Variants in EIF2AK4 observed in about 807,000 individuals in gnomAD.
EIF2AK4 encodes eIF-2-alpha kinase GCN2.
EIF2AK4 carries 139 observed loss-of-function variants against 211.1 expected under a neutral mutation model. That is an observed-to-expected ratio of 0.66 (90% CI 0.57 to 0.76). The LOEUF (loss-of-function observed/expected upper bound fraction) is 0.76. Ranked by LOEUF, EIF2AK4 falls within the 30% of genes least tolerant of loss-of-function variation. The pLI is 0.00. For synonymous variants in EIF2AK4, 710 were observed against 751.3 expected, an observed-to-expected ratio of 0.94 and a Z score of 0.90; for missense variants, 1,664 against 2,043.8, an observed-to-expected ratio of 0.81 and a Z score of 3.58.
Position 40,011,364 on chromosome 15 carries a change from G to A in EIF2AK4, c.3759+18G>A, listed in dbSNP as rs754086943. 5 of 1,590,040 alleles carry A rather than the reference G, an allele frequency of 3.1e-6. No individual in the cohort carries two copies. The South Asian group carries it at 3.4e-5, about 11-fold the overall frequency. On this transcript the variant is annotated intron_variant, in intron 27 of 38. Transcript: ENST00000263791. Reference sequence around the variant, plus strand: ...CTAATAGTGTAAGTACCTTCTAATGGTATTATTACAGCTTTCTCTGTAATT... The same window carrying A: ...CTAATAGTGTAAGTACCTTCTAATGATATTATTACAGCTTTCTCTGTAATT...
intron 3 of EIF2AK4, 90 bp from the exon 4 acceptor site, chr15:39,949,026 C>G: frequency 2.0e-6 from 3 of 1,490,206 alleles, no homozygotes; most frequent in South Asian, 2.5e-5. Context: ...GGCCTCTGAC[C>G]GCCAGTTTGC....
At chr15:39,946,092 A>T (rs1050110027) in intron 3 of EIF2AK4, among the ~76,000 whole-genome samples, 2 of 152,252 alleles carry the variant, frequency 1.3e-5, no homozygotes, top group Non-Finnish European at 2.9e-5. Flanking sequence ...TAGCCCATGG[A>T]TGAAGGAGTA....
At chr15:40,007,743 G>C (rs949071648) in intron 24 of EIF2AK4, among the ~76,000 whole-genome samples, 7 of 152,280 alleles carry the variant, frequency 4.6e-5, no homozygotes, top group Non-Finnish European at 8.8e-5. Flanking sequence ...GGGTATCCCT[G>C]TGTAGAAAGC....
intron 25 of EIF2AK4, 98 bp downstream of exon 25, chr15:40,008,293 T>C (rs2035189025): frequency 5.5e-6 from 6 of 1,099,026 alleles, no homozygotes; most frequent in Non-Finnish European, 7.6e-6. Context: ...TCTCAGTCTG[T>C]CCTGCAGATG....
chr15:39,990,398 A>C, intron 16 of EIF2AK4, 21 bp downstream of exon 16: 1 of 1,592,516 alleles, frequency 6.3e-7, no homozygotes, highest in East Asian at 2.2e-5. Context: ...TAAAAATTAG[A>C]CTGTACCTAA....
At chr15:39,973,815 C>G in intron 11 of EIF2AK4, 66 bp downstream of exon 11, 1 of 1,566,752 alleles carries the variant, frequency 6.4e-7, no homozygotes, top group Non-Finnish European at 8.7e-7. Flanking sequence ...CACAAAGACT[C>G]ATGGACTTTA....
intron 3 of EIF2AK4, among the ~76,000 whole-genome samples, chr15:39,948,281 T>C (rs1286465669): frequency 6.6e-6 from 1 of 152,144 alleles, no homozygotes; most frequent in East Asian, 1.9e-4. Flanking sequence ...ATAATGAAAA[T>C]AAGAATTTTA....
intron 15 of EIF2AK4, among the ~76,000 whole-genome samples, chr15:39,988,983 A>G (rs891874381): frequency 1.3e-5 from 2 of 152,242 alleles, no homozygotes; most frequent in Non-Finnish European, 2.9e-5. Flanking sequence ...CCTAGGTGAC[A>G]GTAAGAGACT....
intron 1 of EIF2AK4, among the ~76,000 whole-genome samples, chr15:39,934,695 A>G (rs1205399022): frequency 6.6e-6 from 1 of 152,156 alleles, no homozygotes; most frequent in Admixed American, 6.5e-5. Flanking sequence ...TACCACAGCA[A>G]TTCATACGCG....
intron 23 of EIF2AK4, among the ~76,000 whole-genome samples, chr15:40,005,662 C>T (rs2035150870): frequency 6.6e-6 from 1 of 151,458 alleles, no homozygotes; most frequent in Non-Finnish European, 1.5e-5. Flanking sequence ...AGCTCCGCCT[C>T]CCGGGTTCAC....
At chr15:39,956,938 A>G (rs1489802089) in intron 6 of EIF2AK4, among the ~76,000 whole-genome samples, 4 of 152,256 alleles carry the variant, frequency 2.6e-5, no homozygotes, top group Admixed American at 1.3e-4. Context: ...AAAACAGTTC[A>G]GAAATCATTT....
chr15:39,979,715 T>C (rs1595405950), intron 13 of EIF2AK4, among the ~76,000 whole-genome samples: 2 of 152,194 alleles, frequency 1.3e-5, no homozygotes, highest in Non-Finnish European at 2.9e-5. Flanking sequence ...CTGTGGAGTA[T>C]ACAAAATTCC....
chr15:40,026,930 A>G (rs908062568), intron 33 of EIF2AK4, among the ~76,000 whole-genome samples: 7 of 152,224 alleles, frequency 4.6e-5, no homozygotes, highest in Non-Finnish European at 8.8e-5. Context: ...AGGCTCATTT[A>G]TAACAGCAGT....
chr15:39,955,836 T>C (rs2034383542), intron 6 of EIF2AK4, 68 bp downstream of exon 6: 1 of 1,481,466 alleles, frequency 6.8e-7, no homozygotes, highest in African/African-American at 1.4e-5. Context: ...ATTGAAGATG[T>C]AGTGAAATTT....
At chr15:39,949,774 A>G (rs551175127) in intron 4 of EIF2AK4, among the ~76,000 whole-genome samples, 1 of 152,316 alleles carries the variant, frequency 6.6e-6, no homozygotes, top group African/African-American at 2.4e-5. Flanking sequence ...TATTTAAATC[A>G]AAGATAATAT....
Position 40,020,913 on chromosome 15 carries a change from T to C in EIF2AK4, c.4188T>C (p.Ser1396=), listed in dbSNP as rs150821785. 9.2e-5 allele frequency: 149 copies of C among 1,611,792 alleles called. No individual in the cohort carries two copies. In the East Asian group the frequency reaches 2.5e-3, roughly 27 times the overall value. The change falls in exon 31 of 39, where the codon TCT becomes TCC. Residue 1396 remains serine, a synonymous_variant. Coordinates refer to ENST00000263791, the MANE Select transcript of EIF2AK4 (RefSeq NM_001013703.4). ...LNMEESVTIS[S]CDLLVVSVGQ... is the part of the protein sequence containing the mutation. The stretch of plus-strand genomic sequence containing the variant: ...TTCTGATCCAGGTTACAATAAGCTC[T>C]TGTGACCTCCTGGTTGTAAGTGTTG...
Position 39,955,711 on chromosome 15 carries a change from G to A in EIF2AK4, c.686G>A (p.Gly229Asp). The A allele has an allele frequency of 6.2e-7, 1 of 1,612,990 alleles. No individual in the cohort carries two copies. The highest frequency in any genetic ancestry group is 8.5e-7 in the Non-Finnish European group (1 of 1,179,680). The change falls in exon 6 of 39, where the codon GGC becomes GAC. Residue 229 changes from glycine to aspartate, a missense_variant. By Grantham distance (94) the Gly-to-Asp change is moderately conservative. This residue lies in a region of EIF2AK4 where 641 missense variants were observed against 729.6 expected (regional missense o/e 0.88). Coordinates refer to ENST00000263791, the MANE Select transcript of EIF2AK4 (RefSeq NM_001013703.4). ...GHRTAAILHG[G>D]SPDFVGNGKH... Reference sequence around the variant, plus strand: ...AGAACGGCTGCCATTCTACATGGAGGCTCTCCTGACTTTGTAGGAAATGGT... The same window carrying A: ...AGAACGGCTGCCATTCTACATGGAGACTCTCCTGACTTTGTAGGAAATGGT...
chr15:39,987,973 C>G lies in EIF2AK4; in HGVS notation c.2404-10C>G. On this transcript the variant is annotated splice_polypyrimidine_tract_variant and intron_variant, in intron 14 of 38. Coordinates refer to ENST00000263791, the MANE Select transcript of EIF2AK4 (RefSeq NM_001013703.4). ...GTGTAATCAAATTCTCCTGGTTTGT[C>G]TGTATATAGATGGAGTACTGTGAGA... The G allele has an allele frequency of 6.2e-7, 1 of 1,612,894 alleles. No individual in the cohort carries two copies. The highest frequency in any genetic ancestry group is 8.5e-7 in the Non-Finnish European group (1 of 1,179,460).
At position 39,973,607 on chromosome 15, in the gene EIF2AK4, A is replaced by G; in HGVS notation, c.1676A>G (p.Asp559Gly). 5.6e-6 allele frequency: 9 copies of G among 1,612,784 alleles called. No homozygotes were observed. Among genetic ancestry groups the G allele is most frequent in the Non-Finnish European group, 7.6e-6 (9 of 1,179,368 alleles). The change falls in exon 11 of 39, where the codon GAT becomes GGT. Residue 559 changes from aspartate to glycine, a missense_variant. Coordinates refer to ENST00000263791, the MANE Select transcript of EIF2AK4 (RefSeq NM_001013703.4). ...EQSPEDSEGQ[D>G]YVETVIPSNR... ...TTTATCTCAGATTCTGAAGGACAAGATTATGTTGAGACTGTTATTCCTAGC... is the reference window on the plus strand; with the variant it reads ...TTTATCTCAGATTCTGAAGGACAAGGTTATGTTGAGACTGTTATTCCTAGC...
Sources: gnomAD v4.1 joint callset for allele counts (sites outside exome capture counted in the v4.1 genomes callset) on GRCh38, gnomAD v4.1.1 for gene constraint, gnomAD v4.1.1 regional missense constraint, MANE v1.5 for transcripts, NCBI Gene and HGNC (gene_info 2026-07-23, HGNC 2026-07-21) for gene names.